The following FBN2 variants were observed in gnomAD, a reference collection of about 807,000 sequenced individuals.
The protein encoded by FBN2 is fibrillin 2, also known as fibrillin-2.
Under a neutral mutation model 355.6 loss-of-function variants are expected in FBN2, and 105 were observed. The ratio of observed to expected loss-of-function variants is 0.30; its 90% CI spans 0.25 to 0.35. The LOEUF (loss-of-function observed/expected upper bound fraction) is 0.35. Ranked by LOEUF, FBN2 falls within the 10% of genes least tolerant of loss-of-function variation. The pLI is 1.00. For missense variants in FBN2, 3,280 were observed against 3,758.7 expected (o/e 0.87, Z 3.33); for synonymous variants, 1,350 against 1,301.2 (o/e 1.04, Z -0.81).
intron 3 of FBN2, among the ~76,000 whole-genome samples, chr5:128,529,428 T>C (rs1756648713): frequency 6.6e-6 from 1 of 152,178 alleles, no homozygotes; most frequent in African/African-American, 2.4e-5. Context: ...TGATTAATAG[T>C]GCCAAAAGCT....
Position 128,537,436 on chromosome 5 carries a change from G to T in FBN2, c.168C>A (p.Gly56=), listed in dbSNP as rs778237524. ...CGCGATACTCGGGCGCTAGAAACCC[G>T]CCTTCAGAGCCTGCTGTAGCGGACC... ...QVRSATAGSE[G]GFLAPEYREE... The change falls in exon 1 of 65, where the codon GGC becomes GGA. Residue 56 remains glycine, a synonymous_variant. Transcript: ENST00000262464. 1.2e-6 allele frequency: 2 copies of T among 1,608,600 alleles called. No individual in the cohort carries two copies. The highest frequency in any genetic ancestry group is 1.1e-5 in the South Asian group (1 of 90,194).
intron 6 of FBN2, among the ~76,000 whole-genome samples, chr5:128,463,528 T>C (rs186080067): frequency 2.2e-4 from 34 of 152,276 alleles, no homozygotes; most frequent in African/African-American, 7.5e-4. Context: ...TCAAAATGAT[T>C]TTAGAAATAG....
intron 11 of FBN2, among the ~76,000 whole-genome samples, chr5:128,390,367 T>C (rs1276744261): frequency 6.6e-6 from 1 of 152,078 alleles, no homozygotes; most frequent in Non-Finnish European, 1.5e-5. Context: ...ATTAAGATGC[T>C]ATTTACTTTT....
intron 2 of FBN2, among the ~76,000 whole-genome samples, chr5:128,535,518 A>C (rs1756822240): frequency 6.6e-6 from 1 of 152,178 alleles, no homozygotes; most frequent in African/African-American, 2.4e-5. Context: ...CAACAAGACA[A>C]ATGTGGTTGT....
At chr5:128,503,680 G>T (rs932918039) in intron 5 of FBN2, among the ~76,000 whole-genome samples, 1 of 152,104 alleles carries the variant, frequency 6.6e-6, no homozygotes, top group Non-Finnish European at 1.5e-5. Flanking sequence ...TTTCTAAGTG[G>T]CAAAGCATTC....
chr5:128,336,357 G>C (rs1750842392), intron 27 of FBN2, among the ~76,000 whole-genome samples: 1 of 152,178 alleles, frequency 6.6e-6, no homozygotes, highest in Non-Finnish European at 1.5e-5. Context: ...ATACACAGCT[G>C]CATGTGCTAC....
chr5:128,352,351 T>G (rs1356956526), intron 20 of FBN2, among the ~76,000 whole-genome samples: 1 of 152,194 alleles, frequency 6.6e-6, no homozygotes, highest in Non-Finnish European at 1.5e-5. Context: ...ATTCCTAACG[T>G]TTTAGACTGA....
intron 20 of FBN2, among the ~76,000 whole-genome samples, chr5:128,354,846 G>C (rs944343460): frequency 3.3e-5 from 5 of 152,142 alleles, no homozygotes; most frequent in Non-Finnish European, 7.4e-5. Flanking sequence ...TTGAGATATC[G>C]ATGAGCCATC....
intron 11 of FBN2, among the ~76,000 whole-genome samples, chr5:128,391,677 T>C (rs908356880): frequency 4.6e-5 from 7 of 152,202 alleles, no homozygotes; most frequent in African/African-American, 1.7e-4. Flanking sequence ...TAAAGATGGA[T>C]TCATGCTTGA....
chr5:128,491,354 C>A (rs923046416), intron 5 of FBN2, among the ~76,000 whole-genome samples: 2 of 152,200 alleles, frequency 1.3e-5, no homozygotes, highest in Non-Finnish European at 1.5e-5. Flanking sequence ...GTAAACTTTT[C>A]TCCAGGCAGT....
At chr5:128,365,388 A>G (rs1751740638) in intron 17 of FBN2, 1 of 152,184 alleles carries the variant, frequency 6.6e-6, no homozygotes, top group African/African-American at 2.4e-5. Flanking sequence ...GAAAGGCTGT[A>G]CTGACAGGGA....
intron 5 of FBN2, among the ~76,000 whole-genome samples, chr5:128,518,128 C>T (rs932820700): frequency 3.9e-5 from 6 of 152,120 alleles, no homozygotes; most frequent in African/African-American, 1.4e-4. Flanking sequence ...GTCAGGCTTC[C>T]GCTGGCCTAG....
Position 128,272,090 on chromosome 5 carries a change from C to A in FBN2, c.7869G>T (p.Arg2623Ser). ...EDVDECDGNH[R>S]CQHGCQNILG... The stretch of plus-strand genomic sequence containing the variant: ...GGATGTTCTGGCAGCCGTGTTGGCA[C>A]CTGTGGTTCCCATCACATTCATCAA... The change falls in exon 62 of 65, where the codon AGG becomes AGT. Residue 2623 changes from arginine to serine, a missense_variant. Physicochemically the swap from Arg to Ser is moderately radical, Grantham distance 110. Around this residue, in one of 6 missense-constraint regions of FBN2, gnomAD observed 2,284 missense variants for 2,749.5 expected, o/e 0.83. Coordinates refer to ENST00000262464, the MANE Select transcript of FBN2 (RefSeq NM_001999.4). 6.2e-7 allele frequency: 1 copy of A among 1,614,050 alleles called. No homozygotes were observed.
chr5:128,350,074 A>T, intron 21 of FBN2, 69 bp from the exon 22 acceptor site: 1 of 1,285,914 alleles, frequency 7.8e-7, no homozygotes, highest in Non-Finnish European at 1.1e-6. Flanking sequence ...GCTCAAGAAG[A>T]AGTATAATGA....
chr5:128,262,696 C>A (rs1765006364), intron 63 of FBN2, among the ~76,000 whole-genome samples: 2 of 152,198 alleles, frequency 1.3e-5, no homozygotes, highest in Admixed American at 1.3e-4. Context: ...TATTATCATA[C>A]ACCATTGTTG....
intron 15 of FBN2, among the ~76,000 whole-genome samples, chr5:128,371,533 T>G (rs539974704): frequency 2.2e-5 from 3 of 139,490 alleles, no homozygotes; most frequent in African/African-American, 5.2e-5. Context: ...CCTTCCTTCC[T>G]TCTGTTTTTT....
At chr5:128,312,575 T>C in intron 37 of FBN2, 59 bp downstream of exon 37, 4 of 1,595,124 alleles carry the variant, frequency 2.5e-6, no homozygotes, top group Non-Finnish European at 3.4e-6. Flanking sequence ...AGGAATAAAA[T>C]GGCAACAAAT....
At chr5:128,424,997 T>G (rs967483693) in intron 7 of FBN2, among the ~76,000 whole-genome samples, 1 of 149,334 alleles carries the variant, frequency 6.7e-6, no homozygotes, top group African/African-American at 2.5e-5. Context: ...GTAGTTTTTC[T>G]TTCTCTCTTT....
At chr5:128,361,351 AC>A (rs1167526295) in intron 19 of FBN2, among the ~76,000 whole-genome samples, 26 of 152,212 alleles carry the variant, frequency 1.7e-4, no homozygotes, top group Non-Finnish European at 3.4e-4. Flanking sequence ...CTTTTCCATT[AC>A]GATTCAGGTT....
Sources: allele counts gnomAD v4.1 joint callset (sites outside exome capture counted in the v4.1 genomes callset), GRCh38; gene constraint gnomAD v4.1.1; regional missense constraint gnomAD v4.1.1; transcripts MANE v1.5; gene names NCBI Gene and HGNC (gene_info 2026-07-23, HGNC 2026-07-21).